NLN: variants seen among roughly 807,000 people sequenced by gnomAD.
NLN encodes the protein neurolysin, mitochondrial.
In NLN, 64 loss-of-function variants were observed where a neutral mutation model predicts 79.9. That is an observed-to-expected ratio of 0.80 (90% CI 0.65 to 0.99). The LOEUF (loss-of-function observed/expected upper bound fraction) is 0.99, where lower values mean the gene tolerates loss of function less well. Ranked by LOEUF, NLN falls within the 50% of genes least tolerant of loss-of-function variation. The probability of loss-of-function intolerance (pLI) is 0.00; values close to 1 mark genes in which losing one functional copy is unlikely to be tolerated. For synonymous variants in NLN, 267 were observed against 296.6 expected, an observed-to-expected ratio of 0.90 and a Z score of 1.02; for missense variants, 835 against 858.7, an observed-to-expected ratio of 0.97 and a Z score of 0.34.
intron 1 of NLN, among the ~76,000 whole-genome samples, chr5:65,738,551 C>T (rs1242017723): frequency 4.0e-5 from 6 of 151,396 alleles, no homozygotes; most frequent in African/African-American, 9.7e-5. Flanking sequence ...CTAGCCTGGG[C>T]GACAGAGCAA....
At position 65,722,281 on chromosome 5, in the gene NLN, T is replaced by C; in HGVS notation, c.-93T>C. The C allele has an allele frequency of 2.0e-6, 2 of 1,010,230 alleles. No homozygotes were observed. The highest frequency in any genetic ancestry group is 2.8e-6 in the Non-Finnish European group (2 of 720,294). The allele number at this position is 1,010,230 out of a possible 1,614,324, so 62.6% of individuals were successfully genotyped here. A position where few individuals can be genotyped will look rare whatever the true frequency, so the allele number is the denominator to read the frequency against. ...CTGTGGCCTCTGCGGCTAGGCCGGC[T>C]CGAGACTCCCGGGCGCCCAGGCGCT... On this transcript the variant is annotated 5_prime_UTR_variant, in exon 1 of 13. Coordinates refer to ENST00000380985, the MANE Select transcript of NLN (RefSeq NM_020726.5).
At chr5:65,775,307 C>T (rs1247218498) in intron 3 of NLN, among the ~76,000 whole-genome samples, 1 of 152,154 alleles carries the variant, frequency 6.6e-6, no homozygotes, top group Non-Finnish European at 1.5e-5. Context: ...GAGGCTTTGT[C>T]ATGAGTCTGT....
chr5:65,736,407 A>G (rs1184448407), intron 1 of NLN, among the ~76,000 whole-genome samples: 2 of 152,208 alleles, frequency 1.3e-5, no homozygotes, highest in Admixed American at 6.5e-5. Context: ...CTCCTGATAC[A>G]TATGTGTAAG....
At chr5:65,790,604 TTCCCACTGGG>T (rs1760036076) in intron 8 of NLN, among the ~76,000 whole-genome samples, 1 of 152,174 alleles carries the variant, frequency 6.6e-6, no homozygotes, top group Non-Finnish European at 1.5e-5. Context: ...AATCAATTAC[TTCCCACTGGG>T]TCCCTCCCAC....
intron 9 of NLN, among the ~76,000 whole-genome samples, chr5:65,800,343 AAC>A (rs1396191589): frequency 6.6e-6 from 1 of 152,178 alleles, no homozygotes; most frequent in African/African-American, 2.4e-5. Context: ...AAAAATCTGA[AAC>A]AGAGTACATT....
At chr5:65,792,344 T>C in intron 8 of NLN, 110 bp from the exon 9 acceptor site, 2 of 686,730 alleles carry the variant, frequency 2.9e-6, no homozygotes, top group East Asian at 5.0e-5. Flanking sequence ...AATTAATGTT[T>C]AAAGGCATCT....
At chr5:65,809,448 A>G in intron 9 of NLN, 67 bp from the exon 10 acceptor site, 1 of 1,355,190 alleles carries the variant, frequency 7.4e-7, no homozygotes, top group Non-Finnish European at 1.0e-6. Context: ...GTGACTCTTA[A>G]TAATTATTCA....
At chr5:65,803,980 T>C (rs1176633293) in intron 9 of NLN, among the ~76,000 whole-genome samples, 1 of 152,246 alleles carries the variant, frequency 6.6e-6, no homozygotes, top group East Asian at 1.9e-4. Flanking sequence ...TTCAGCTTCA[T>C]GTTTGATCTT....
chr5:65,777,664 C>T, intron 4 of NLN, 130 bp downstream of exon 4: 1 of 630,162 alleles, frequency 1.6e-6, no homozygotes, highest in Non-Finnish European at 2.8e-6. Context: ...CAACATGATG[C>T]TCAGAGGAAA....
chr5:65,769,606 T>C (rs1292873567), intron 3 of NLN, among the ~76,000 whole-genome samples: 1 of 152,212 alleles, frequency 6.6e-6, no homozygotes, highest in East Asian at 1.9e-4. Flanking sequence ...GAAATTACAG[T>C]AGAGGATAAG....
chr5:65,789,176 T>C (rs188220862), intron 8 of NLN, among the ~76,000 whole-genome samples: 1 of 152,276 alleles, frequency 6.6e-6, no homozygotes, highest in Admixed American at 6.5e-5. Context: ...TCCATATTTC[T>C]CACATGGGCT....
intron 8 of NLN, among the ~76,000 whole-genome samples, chr5:65,792,164 A>C (rs1386178313): frequency 2.0e-5 from 3 of 152,236 alleles, no homozygotes; most frequent in Non-Finnish European, 4.4e-5. Context: ...GTAGAACCTC[A>C]TTAAAATAAA....
intron 9 of NLN, among the ~76,000 whole-genome samples, chr5:65,799,714 A>G (rs74752743): frequency 0.011 from 1,731 of 152,274 alleles, 31 homozygotes; most frequent in African/African-American, 0.039. Flanking sequence ...AAACTTCTCC[A>G]AATTATGTTA....
chr5:65,724,722 A>G (rs1758418311), intron 1 of NLN, among the ~76,000 whole-genome samples: 1 of 151,932 alleles, frequency 6.6e-6, no homozygotes, highest in South Asian at 2.1e-4. Flanking sequence ...TAAGGATTCC[A>G]ATTTCTCCAC....
At chr5:65,754,405 T>C (rs962512673) in intron 1 of NLN, among the ~76,000 whole-genome samples, 1 of 152,136 alleles carries the variant, frequency 6.6e-6, no homozygotes, top group African/African-American at 2.4e-5. Flanking sequence ...TAGGGACAGC[T>C]ACCTTCAAAG....
At chr5:65,746,442 G>A (rs1443901808) in intron 1 of NLN, among the ~76,000 whole-genome samples, 1 of 152,180 alleles carries the variant, frequency 6.6e-6, no homozygotes, top group Non-Finnish European at 1.5e-5. Context: ...AGAAATCACT[G>A]GGGACCTTGG....
At chr5:65,788,526 G>C (rs747960584) in intron 8 of NLN, 42 bp downstream of exon 8, 1 of 1,579,784 alleles carries the variant, frequency 6.3e-7, no homozygotes, top group East Asian at 2.2e-5. Flanking sequence ...TAGGGATTCA[G>C]CTATGCCTAC....
intron 6 of NLN, among the ~76,000 whole-genome samples, chr5:65,785,318 C>T (rs1375889154): frequency 1.3e-5 from 2 of 152,118 alleles, no homozygotes; most frequent in South Asian, 2.1e-4. Flanking sequence ...ATTTCCTCAC[C>T]AGCACATTTT....
intron 3 of NLN, among the ~76,000 whole-genome samples, chr5:65,777,017 C>A (rs192259173): frequency 7.7e-4 from 117 of 152,252 alleles, no homozygotes; most frequent in Non-Finnish European, 9.0e-4. Flanking sequence ...TATTTCTATT[C>A]CTGCCTTTCA....
Sources: gnomAD v4.1 joint callset for allele counts (sites outside exome capture counted in the v4.1 genomes callset) on GRCh38, gnomAD v4.1.1 for gene constraint, MANE v1.5 for transcripts, NCBI Gene and HGNC (gene_info 2026-07-23, HGNC 2026-07-21) for gene names.